TMEM156: variants seen among roughly 807,000 people sequenced by gnomAD.
TMEM156 encodes transmembrane protein 156.
TMEM156 carries 28 observed loss-of-function variants against 30.5 expected under a neutral mutation model. The ratio of observed to expected loss-of-function variants is 0.92; its 90% CI spans 0.68 to 1.26. TMEM156 has a LOEUF of 1.26. Ranked by LOEUF, TMEM156 falls within the 50% of genes most tolerant of loss-of-function variation. The pLI is 0.00. For synonymous variants in TMEM156, 137 were observed against 119.9 expected, an observed-to-expected ratio of 1.14 and a Z score of -0.93; for missense variants, 351 against 340.6, an observed-to-expected ratio of 1.03 and a Z score of -0.24.
At chr4:39,011,101 T>A (rs989964156) in intron 1 of TMEM156, among the ~76,000 whole-genome samples, 5 of 151,932 alleles carry the variant, frequency 3.3e-5, no homozygotes, top group Admixed American at 6.6e-5. Context: ...GTGGGCAAAG[T>A]ACATGAACAG....
At chr4:39,008,038 C>T (rs957944045) in intron 1 of TMEM156, among the ~76,000 whole-genome samples, 4 of 151,952 alleles carry the variant, frequency 2.6e-5, no homozygotes, top group Admixed American at 2.6e-4. Context: ...AGCTTTTGGG[C>T]TTTCTATGCA....
intron 1 of TMEM156, among the ~76,000 whole-genome samples, chr4:39,025,427 A>T (rs1414360602): frequency 2.0e-5 from 3 of 151,966 alleles, no homozygotes; most frequent in East Asian, 3.9e-4. Flanking sequence ...ATTATATTTC[A>T]ATTTGGAGGC....
chr4:38,977,285 T>G (rs566717276), intron 5 of TMEM156, among the ~76,000 whole-genome samples: 7 of 152,306 alleles, frequency 4.6e-5, no homozygotes, highest in Middle Eastern at 3.4e-3. Flanking sequence ...ATTAACAGAG[T>G]TCTTTTCGTT....
chr4:38,994,524 C>A (rs1283083010), intron 2 of TMEM156, among the ~76,000 whole-genome samples: 2 of 152,282 alleles, frequency 1.3e-5, no homozygotes, highest in Admixed American at 6.5e-5. Context: ...AAAATACACA[C>A]ATTTCCCCAG....
chr4:39,015,906 A>G (rs1714448967), intron 1 of TMEM156, among the ~76,000 whole-genome samples: 1 of 152,148 alleles, frequency 6.6e-6, no homozygotes, highest in Non-Finnish European at 1.5e-5. Flanking sequence ...CCAAGTACAA[A>G]GTCCTTCCGC....
Position 39,001,578 on chromosome 4 carries a change from A to T in TMEM156, c.89-2669T>A, listed in dbSNP as rs562113390. Among the ~76,000 whole-genome samples the T allele has an allele frequency of 8.9e-4, 135 of 151,360 alleles. 1 individual carries two copies. In the South Asian group the frequency reaches 0.019, roughly 21 times the overall value. On this transcript the variant is annotated intron_variant, in intron 1 of 6. Transcript: ENST00000381938. ...TAATAATTACCCCTACTCTCAAGTC[A>T]ATCCTAAGCCAAAAGAACAAAGCTG...
chr4:38,986,380 C>T lies in TMEM156; in HGVS notation c.779G>A (p.Ser260Asn). 6.2e-7 allele frequency: 1 copy of T among 1,613,970 alleles called. No individual in the cohort carries two copies. The highest frequency in any genetic ancestry group is 8.5e-7 in the Non-Finnish European group (1 of 1,179,894). ...DKPTSVLLRG[S>N]DSEKLRALNV... is the part of the protein sequence containing the mutation. ...CAATGCTCTCAGTTTCTCCGAATCA[C>T]TTCCTCTTAAGAGAACAGATGTAGG... The change falls in exon 5 of 7, where the codon AGT (serine) becomes AAT (asparagine). Residue 260 changes from serine (S) to asparagine (N), a missense_variant. Physicochemically the swap from Ser to Asn is conservative, Grantham distance 46 (BLOSUM62 1). Transcript: ENST00000381938.
At chr4:39,002,970 A>G (rs1015014683) in intron 1 of TMEM156, among the ~76,000 whole-genome samples, 1 of 152,104 alleles carries the variant, frequency 6.6e-6, no homozygotes, top group African/African-American at 2.4e-5. Context: ...CCAGCATGGC[A>G]CATGTATACA....
intron 1 of TMEM156, among the ~76,000 whole-genome samples, chr4:39,004,564 A>G (rs1247978156): frequency 2.0e-5 from 3 of 152,142 alleles, no homozygotes; most frequent in African/African-American, 7.2e-5. Flanking sequence ...ATACATATAT[A>G]TGGAATATAC....
intron 1 of TMEM156, among the ~76,000 whole-genome samples, chr4:38,999,413 C>T (rs567736007): frequency 6.6e-6 from 1 of 152,304 alleles, no homozygotes; most frequent in African/African-American, 2.4e-5. Flanking sequence ...GGAATCTCAG[C>T]ATTTTAACCA....
chr4:39,016,223 A>C (rs2249735), intron 1 of TMEM156, among the ~76,000 whole-genome samples: 22,312 of 152,020 alleles, frequency 0.15, 3,146 homozygotes, highest in African/African-American at 0.37. Context: ...AATACAAAAA[A>C]TTAGCCGGGC....
At chr4:39,001,335 C>T (rs563506874) in intron 1 of TMEM156, among the ~76,000 whole-genome samples, 10 of 149,672 alleles carry the variant, frequency 6.7e-5, no homozygotes, top group South Asian at 6.3e-4. Flanking sequence ...TGCAGTGAAC[C>T]GAGATCGTGC....
chr4:38,988,910 A>C lies in TMEM156; in HGVS notation c.680T>G (p.Leu227Trp). 1 of 1,613,800 alleles carries C rather than the reference A, an allele frequency of 6.2e-7. No individual in the cohort carries two copies. The highest frequency in any genetic ancestry group is 2.2e-5 in the East Asian group (1 of 44,866). ...TATTTTGCGGATAGTGAGGATGATC[A>C]AAAATATAAAAACTAATAGAACTAA... ...YILVLLVFIF[L>W]IILTIRKILE... Residue 227 changes from leucine (L) to tryptophan (W), a missense_variant, in exon 4 of 7, where the codon TTG becomes TGG. By Grantham distance (61) the Leu-to-Trp change is moderately conservative (BLOSUM62 -2). Transcript: ENST00000381938.
intron 5 of TMEM156, among the ~76,000 whole-genome samples, chr4:38,971,872 C>T (rs140235034): frequency 1.4e-3 from 212 of 152,176 alleles, no homozygotes; most frequent in African/African-American, 4.9e-3. Context: ...TCACCACAAC[C>T]TCTGCCTCCC....
chr4:38,985,510 T>A (rs1414282657), intron 5 of TMEM156, among the ~76,000 whole-genome samples: 1 of 152,184 alleles, frequency 6.6e-6, no homozygotes, highest in African/African-American at 2.4e-5. Context: ...TCGCTACTGA[T>A]GCAGCTGTAG....
rs116460594 is a variant in TMEM156 at position 38,967,280 on chromosome 4, A to G, written c.*400T>C. On this transcript the variant is annotated 3_prime_UTR_variant, in exon 7 of 7. Transcript: ENST00000381938. ...ATCTACAATGTGGCCCAATAAAAGA[A>G]AGGGTTTTCATATTTGATCCTGTTT... 1 of 152,328 alleles carries G rather than the reference A, an allele frequency of 6.6e-6. No individual in the cohort carries two copies. The highest frequency in any genetic ancestry group is 2.4e-5 in the African/African-American group (1 of 41,568). 9.4% of individuals were successfully genotyped at this position (152,328 alleles called of 1,614,324 possible).
At position 38,989,028 on chromosome 4, in the gene TMEM156, A is replaced by C; in HGVS notation, c.620-58T>G. 7 of 1,554,212 alleles carry C rather than the reference A, an allele frequency of 4.5e-6. No individual in the cohort carries two copies. The Middle Eastern group carries it at 5.6e-4, about 124-fold the overall frequency. ...TAAAATTATTCAACAGATAAAAGGC[A>C]ATGTGGCAGTGTAGCTGAGTTCTAC... On this transcript the variant is annotated intron_variant, in intron 3 of 6. Transcript: ENST00000381938.
intron 5 of TMEM156, among the ~76,000 whole-genome samples, chr4:38,976,050 G>A (rs1462959274): frequency 6.6e-6 from 1 of 151,900 alleles, no homozygotes; most frequent in Non-Finnish European, 1.5e-5. Context: ...ACTTCGGGAG[G>A]CCAAGGCGGG....
intron 5 of TMEM156, among the ~76,000 whole-genome samples, chr4:38,983,331 C>A (rs968803134): frequency 5.9e-5 from 9 of 152,202 alleles, no homozygotes; most frequent in Admixed American, 4.6e-4. Flanking sequence ...ATCCACTCCT[C>A]CTGCCCCTGG....
Sources: gnomAD v4.1 joint callset for allele counts (sites outside exome capture counted in the v4.1 genomes callset) on GRCh38, gnomAD v4.1.1 for gene constraint, MANE v1.5 for transcripts, NCBI Gene and HGNC (gene_info 2026-07-23, HGNC 2026-07-21) for gene names.